The following APC variants were observed in gnomAD, a reference collection of about 807,000 sequenced individuals.
The protein encoded by APC is APC regulator of Wnt signaling pathway, also known as adenomatous polyposis coli protein.
APC carries 72 observed loss-of-function variants against 247.0 expected under a neutral mutation model. That is an observed-to-expected ratio of 0.29 (90% CI 0.24 to 0.35). APC has a LOEUF of 0.35. APC is among the 10% of genes least tolerant of loss of function. The probability of loss-of-function intolerance (pLI) is 1.00; values close to 1 mark genes in which losing one functional copy is unlikely to be tolerated. For missense variants in APC, 3,400 were observed against 3,360.7 expected (o/e 1.01, Z -0.29); for synonymous variants, 1,254 against 1,162.5 (o/e 1.08, Z -1.60).
chr5:112,823,665 T>G (rs1385337323), intron 11 of APC, among the ~76,000 whole-genome samples: 2 of 152,222 alleles, frequency 1.3e-5, no homozygotes, highest in African/African-American at 4.8e-5. Flanking sequence ...GTATTAGAAG[T>G]TTTAGAATAT....
chr5:112,828,797 C>T, intron 13 of APC, 59 bp from the exon 14 acceptor site: 2 of 1,303,460 alleles, frequency 1.5e-6, no homozygotes, highest in Admixed American at 3.5e-5. Context: ...GCATTAAAAA[C>T]AAAAAAGCAA....
chr5:112,774,673 C>T (rs1757411266), intron 4 of APC, among the ~76,000 whole-genome samples: 1 of 151,530 alleles, frequency 6.6e-6, no homozygotes, highest in African/African-American at 2.4e-5. Flanking sequence ...TTTGGGTTTT[C>T]ATCATGTTGC....
At chr5:112,728,521 T>A (rs1751926133) in intron 1 of APC, among the ~76,000 whole-genome samples, 1 of 152,156 alleles carries the variant, frequency 6.6e-6, no homozygotes, top group African/African-American at 2.4e-5. Flanking sequence ...ACTGCATACC[T>A]TGAAATTGAA....
Position 112,834,997 on chromosome 5 carries a change from C to T in APC, c.1790C>T (p.Ala597Val), listed in dbSNP as rs1210985696. The T allele has an allele frequency of 6.2e-7, 1 of 1,614,086 alleles. No homozygotes were observed. Among genetic ancestry groups the T allele is most frequent in the Admixed American group, 1.7e-5 (1 of 60,020 alleles). Residue 597 changes from alanine (A) to valine (V), a missense_variant, in exon 15 of 16, where the codon GCA becomes GTA. Ala to Val is a moderately conservative substitution (Grantham distance 64). This residue lies in a region of APC where 184 missense variants were observed against 248.0 expected (regional missense o/e 0.74). Transcript: ENST00000257430. Reference sequence around the variant, plus strand: ...TTGAGTGCCTTATGGAATTTGTCAGCACATTGCACTGAGAATAAAGCTGAT... The same window carrying T: ...TTGAGTGCCTTATGGAATTTGTCAGTACATTGCACTGAGAATAAAGCTGAT... ...SVLSALWNLS[A>V]HCTENKADIC...
intron 1 of APC, among the ~76,000 whole-genome samples, chr5:112,738,770 A>G (rs1227692673): frequency 6.6e-6 from 1 of 152,194 alleles, no homozygotes; most frequent in Non-Finnish European, 1.5e-5. Flanking sequence ...AAAAAAAATT[A>G]CTGTTTTTTA....
At position 112,835,137 on chromosome 5, in the gene APC, A is replaced by G. The variant is rs1764738895; in HGVS notation, c.1930A>G (p.Ser644Gly). 1 of 1,614,118 alleles carries G rather than the reference A, an allele frequency of 6.2e-7. No homozygotes were observed. Among genetic ancestry groups the G allele is most frequent in the African/African-American group, 1.3e-5 (1 of 75,070 alleles). Reference sequence around the variant, plus strand: ...AGGTGGGATATTACGGAATGTGTCCAGCTTGATAGCTACAAATGAGGACCA... The same window carrying G: ...AGGTGGGATATTACGGAATGTGTCCGGCTTGATAGCTACAAATGAGGACCA... ...SGGGILRNVS[S>G]LIATNEDHRQ... The change falls in exon 15 of 16, where the codon AGC becomes GGC. Residue 644 changes from serine (S) to glycine (G), a missense_variant. By Grantham distance (56) the Ser-to-Gly change is moderately conservative. This residue lies in a region of APC where 184 missense variants were observed against 248.0 expected (regional missense o/e 0.74). Coordinates refer to ENST00000257430, the MANE Select transcript of APC (RefSeq NM_000038.6).
intron 8 of APC, among the ~76,000 whole-genome samples, chr5:112,806,095 T>C (rs1761351502): frequency 6.6e-6 from 1 of 152,166 alleles, no homozygotes; most frequent in Admixed American, 6.6e-5. Flanking sequence ...ATGTAGTGTT[T>C]GTTTCATCCC....
At chr5:112,772,834 A>T (rs1339032902) in intron 4 of APC, among the ~76,000 whole-genome samples, 1 of 152,216 alleles carries the variant, frequency 6.6e-6, no homozygotes, top group Admixed American at 6.5e-5. Flanking sequence ...TTATTTCATA[A>T]GTTCATTTAT....
intron 1 of APC, among the ~76,000 whole-genome samples, chr5:112,708,161 T>G (rs1750637943): frequency 6.6e-6 from 1 of 152,166 alleles, no homozygotes; most frequent in Non-Finnish European, 1.5e-5. Context: ...GGTGCCCCAT[T>G]CGCGTTAGGT....
intron 6 of APC, among the ~76,000 whole-genome samples, chr5:112,787,668 GT>G (rs1190197273): frequency 2.6e-4 from 39 of 152,244 alleles, no homozygotes; most frequent in African/African-American, 9.1e-4. Context: ...TTTGAGAGAT[GT>G]TTTAATATCC....
In APC at chr5:112,843,533, A is replaced by C. The variant is rs745497860; in HGVS notation, c.7939A>C (p.Met2647Leu). Residue 2647 changes from methionine (M) to leucine (L), a missense_variant, in exon 16 of 16, where the codon ATG (methionine) becomes CTG (leucine). Met to Leu is a conservative substitution (Grantham distance 15). Around this residue, in one of 9 missense-constraint regions of APC, gnomAD observed 1,788 missense variants for 1,649.5 expected, o/e 1.08. Transcript: ENST00000257430. This position sits in a 1 kb window ranked among gnomAD's most constrained non-coding sequence, Gnocchi z 4.8. The stretch of plus-strand genomic sequence containing the variant: ...TGAATCAAAGACTCTAATTTATCAA[A>C]TGGCACCTGCTGTTTCTAAAACAGA... Reference protein sequence around the residue: ...GAESKTLIYQMAPAVSKTEDV... With the variant: ...GAESKTLIYQLAPAVSKTEDV... 1 of 1,613,558 alleles carries C rather than the reference A, an allele frequency of 6.2e-7. No individual in the cohort carries two copies. The highest frequency in any genetic ancestry group is 2.2e-5 in the East Asian group (1 of 44,868).
At chr5:112,729,101 G>A (rs1356008928) in intron 1 of APC, among the ~76,000 whole-genome samples, 1 of 152,112 alleles carries the variant, frequency 6.6e-6, no homozygotes, top group Non-Finnish European at 1.5e-5. Context: ...TTCTGTAAAT[G>A]TCTTAGTCCT....
upstream of APC, chr5:112,737,793 G>C: frequency 1.0e-6 from 1 of 962,738 alleles, no homozygotes; most frequent in Non-Finnish European, 1.2e-6. Flanking sequence ...GGACCAGGGC[G>C]CTCCCCATTC....
At chr5:112,739,667 A>C (rs1476414950) in intron 1 of APC, among the ~76,000 whole-genome samples, 1 of 152,182 alleles carries the variant, frequency 6.6e-6, no homozygotes, top group Non-Finnish European at 1.5e-5. Context: ...CTTGGCGTTC[A>C]AGACCAGCCT....
chr5:112,837,342 A>C (rs1193024583), intron 15 of APC, among the ~76,000 whole-genome samples: 1 of 152,242 alleles, frequency 6.6e-6, no homozygotes, highest in Non-Finnish European at 1.5e-5. Flanking sequence ...AATTGACAAA[A>C]AATAACACCT....
intron 6 of APC, among the ~76,000 whole-genome samples, chr5:112,788,458 T>A (rs978556087): frequency 3.9e-5 from 6 of 152,174 alleles, no homozygotes; most frequent in African/African-American, 1.4e-4. Flanking sequence ...AGCAACACCA[T>A]GATCCTAGGT....
At chr5:112,712,908 C>T (rs1030224108) in intron 1 of APC, among the ~76,000 whole-genome samples, 2 of 152,156 alleles carry the variant, frequency 1.3e-5, no homozygotes, top group Admixed American at 6.5e-5. Flanking sequence ...CTGTGGCTCA[C>T]GCCTGTAATC....
At chr5:112,777,394 C>G (rs1480291186) in intron 5 of APC, among the ~76,000 whole-genome samples, 1 of 151,996 alleles carries the variant, frequency 6.6e-6, no homozygotes, top group Admixed American at 6.6e-5. Flanking sequence ...AAAAGCTGTT[C>G]TCTCATGCAG....
chr5:112,824,744 T>A (rs1184910799), intron 11 of APC, among the ~76,000 whole-genome samples: 1 of 103,256 alleles, frequency 9.7e-6, no homozygotes, highest in Non-Finnish European at 2.1e-5. Flanking sequence ...ATCTTGGGGA[T>A]CTCATTAGTA....
Sources: gnomAD v4.1 joint callset for allele counts (sites outside exome capture counted in the v4.1 genomes callset) on GRCh38, gnomAD v4.1.1 for gene constraint, gnomAD v4.1.1 regional missense constraint, Gnocchi (gnomAD v3.1) non-coding constraint, MANE v1.5 for transcripts, NCBI Gene and HGNC (gene_info 2026-07-23, HGNC 2026-07-21) for gene names.